Variants in USP54 observed in about 807,000 individuals in gnomAD.
USP54 encodes ubiquitin specific peptidase 54, also known as ubiquitin carboxyl-terminal hydrolase 54.
A neutral mutation model predicts 170.5 loss-of-function variants in USP54; 87 were observed. The ratio of observed to expected loss-of-function variants is 0.51; its 90% CI spans 0.43 to 0.61. USP54 has a LOEUF of 0.61. Ranked by LOEUF, USP54 falls within the 20% of genes least tolerant of loss-of-function variation. USP54 has a pLI of 0.00. For missense variants in USP54, 1,786 were observed against 2,047.8 expected (o/e 0.87, Z 2.47); for synonymous variants, 655 against 742.8 (o/e 0.88, Z 1.92).
intron 4 of USP54, chr10:73,553,232 C>G (rs184537714): frequency 6.2e-4 from 94 of 152,340 alleles, no homozygotes; most frequent in African/African-American, 2.2e-3. Flanking sequence ...TTACAGGCAG[C>G]CTTCCTCATA....
chr10:73,583,795 A>G (rs1404198366), intron 1 of USP54, among the ~76,000 whole-genome samples: 1 of 152,110 alleles, frequency 6.6e-6, no homozygotes, highest in Non-Finnish European at 1.5e-5. Flanking sequence ...ACTGAAAATA[A>G]AAAAGGAAAA....
intron 1 of USP54, among the ~76,000 whole-genome samples, chr10:73,597,002 G>C (rs1484683210): frequency 6.6e-6 from 1 of 152,162 alleles, no homozygotes; most frequent in African/African-American, 2.4e-5. Context: ...TAGTTTTACT[G>C]TCACACCTCA....
At chr10:73,572,755 T>C (rs941953351) in intron 3 of USP54, among the ~76,000 whole-genome samples, 12 of 152,196 alleles carry the variant, frequency 7.9e-5, no homozygotes, top group Admixed American at 6.5e-4. Flanking sequence ...TAAGTATGGA[T>C]ACAGAAATAT....
At chr10:73,596,297 C>T (rs1281600341), upstream of USP54, among the ~76,000 whole-genome samples, 1 of 152,108 alleles carries the variant, frequency 6.6e-6, no homozygotes, top group African/African-American at 2.4e-5. Flanking sequence ...GTGGCTCACA[C>T]CTGTAATCCC....
intron 4 of USP54, among the ~76,000 whole-genome samples, chr10:73,549,625 G>C (rs764345960): frequency 5.9e-5 from 9 of 151,806 alleles, no homozygotes; most frequent in Admixed American, 3.3e-4. Context: ...AATATATCTA[G>C]ACCCTATTCC....
intron 1 of USP54, among the ~76,000 whole-genome samples, chr10:73,599,317 T>C (rs1386536778): frequency 1.3e-5 from 2 of 152,220 alleles, no homozygotes; most frequent in African/African-American, 4.8e-5. Context: ...ACAAACCTCT[T>C]AATCCTAAAT....
At chr10:73,507,279 T>C (rs2059307688) in intron 20 of USP54, 1 of 151,720 alleles carries the variant, frequency 6.6e-6, no homozygotes, top group Non-Finnish European at 1.5e-5. Context: ...AAAAACAGCA[T>C]GTGTGTTATG....
intron 4 of USP54, among the ~76,000 whole-genome samples, chr10:73,551,264 C>G (rs1039947974): frequency 2.0e-5 from 3 of 152,134 alleles, no homozygotes; most frequent in African/African-American, 7.2e-5. Context: ...GCAGTGCCAG[C>G]AATACATATT....
chr10:73,594,416 C>CTTTTTAT (rs56957415), upstream of USP54, among the ~76,000 whole-genome samples: 24,982 of 151,534 alleles, frequency 0.16, 3,396 homozygotes, highest in African/African-American at 0.36. Flanking sequence ...AATTTGGGAA[C>CTTTTTAT]TTTTTAAGAG....
In USP54 at chr10:73,544,150, C is replaced by T. The variant is rs1349591496; in HGVS notation, c.376-1019G>A. 5.3e-5 allele frequency among the ~76,000 whole-genome samples: 8 copies of T among 152,064 alleles called. No individual in the cohort carries two copies. In the East Asian group the frequency reaches 1.5e-3, roughly 29 times the overall value. On this transcript the variant is annotated intron_variant, in intron 5 of 23. Transcript: ENST00000687698. ...TAGAGACGGCGTTTCACCACGTTGA[C>T]CAGGCTGCTCTCGAACTCCTGACCT...
intron 1 of USP54, among the ~76,000 whole-genome samples, chr10:73,624,175 TATA>T (rs2081301055): frequency 3.4e-5 from 4 of 116,626 alleles, no homozygotes; most frequent in East Asian, 3.4e-4. Flanking sequence ...TATATATATA[TATA>T]TATATATATA....
chr10:73,511,878 G>C (rs916596413), intron 20 of USP54, among the ~76,000 whole-genome samples: 1 of 150,350 alleles, frequency 6.7e-6, no homozygotes, highest in Admixed American at 6.6e-5. Context: ...GAGTAGCTGG[G>C]ATTACAGGCA....
Position 73,545,616 on chromosome 10 carries a change from G to A in USP54, c.297C>T (p.Leu99=). The A allele has an allele frequency of 6.2e-7, 1 of 1,614,228 alleles. No homozygotes were observed. Among genetic ancestry groups the A allele is most frequent in the South Asian group, 1.1e-5 (1 of 91,084 alleles). Residue 99 remains leucine, a synonymous_variant, in exon 5 of 24, where the codon CTC becomes CTT. Transcript: ENST00000687698. ...GGAAAGTCTTTGCCAGAGCACTGCG[G>A]AGAGTGTCAGATGGAAGCACTTTTT... ...SSEKVLPSDT[L]RSALAKTFQD...
intron 20 of USP54, 45 bp from the exon 21 acceptor site, chr10:73,505,471 T>C (rs761742799): frequency 2.0e-6 from 3 of 1,537,830 alleles, no homozygotes; most frequent in Non-Finnish European, 2.7e-6. Flanking sequence ...TCTCTTCCCC[T>C]AGGGCCTAAC....
chr10:73,534,228 A>T (rs1434910675), intron 12 of USP54, among the ~76,000 whole-genome samples: 4 of 148,034 alleles, frequency 2.7e-5, no homozygotes, highest in African/African-American at 1.0e-4. Context: ...TTTTTTTGAG[A>T]CGGAGTCTCG....
rs770501386 is a variant in USP54 at position 73,575,613 on chromosome 10, G to C, written c.46C>G (p.Gln16Glu). Reference protein sequence around the residue: ...NYFSGGRGSVQGMFAPRSSTS... With the variant: ...NYFSGGRGSVEGMFAPRSSTS... ...GAGCTTCGAGGTGCAAACATCCCTT[G>C]TACACTACCACGACCCCCTGAAAAA... The change falls in exon 3 of 24, where the codon CAA (glutamine) becomes GAA (glutamate). Residue 16 changes from glutamine (Q) to glutamate (E), a missense_variant. Coordinates refer to ENST00000687698, the MANE Select transcript of USP54 (RefSeq NM_001391956.1). 6.2e-7 allele frequency: 1 copy of C among 1,613,296 alleles called. No homozygotes were observed. The highest frequency in any genetic ancestry group is 1.7e-5 in the Admixed American group (1 of 59,912).
chr10:73,565,515 C>CAAATAAAT (rs577102867), intron 4 of USP54, among the ~76,000 whole-genome samples: 1 of 151,818 alleles, frequency 6.6e-6, no homozygotes, highest in Non-Finnish European at 1.5e-5. Flanking sequence ...GATCCTATTT[C>CAAATAAAT]AAATAAATAA....
At chr10:73,572,801 T>C (rs775080016) in intron 3 of USP54, among the ~76,000 whole-genome samples, 5 of 152,166 alleles carry the variant, frequency 3.3e-5, no homozygotes, top group Admixed American at 6.5e-5. Flanking sequence ...TATATGGCAC[T>C]GGAAATTAGA....
chr10:73,622,076 T>C (rs1357143124), intron 1 of USP54, among the ~76,000 whole-genome samples: 1 of 152,166 alleles, frequency 6.6e-6, no homozygotes. Flanking sequence ...CTTAGTATAT[T>C]AGAATCACAT....
Sources: gnomAD v4.1 joint callset for allele counts (sites outside exome capture counted in the v4.1 genomes callset) on GRCh38, gnomAD v4.1.1 for gene constraint, MANE v1.5 for transcripts, NCBI Gene and HGNC (gene_info 2026-07-23, HGNC 2026-07-21) for gene names.